GBP7: variants seen among roughly 807,000 people sequenced by gnomAD.
The protein encoded by GBP7 is guanylate-binding protein 7.
GBP7 carries 43 observed loss-of-function variants against 61.3 expected under a neutral mutation model. The observed-to-expected ratio is 0.70, with a 90% CI of 0.55 to 0.91. GBP7 has a LOEUF of 0.91. GBP7 is among the 40% of genes least tolerant of loss of function. GBP7 has a pLI of 0.00. For synonymous variants in GBP7, 267 were observed against 271.0 expected (o/e 0.99, Z 0.14); for missense variants, 717 against 740.5 (o/e 0.97, Z 0.37).
At chr1:89,147,504 A>G in intron 8 of GBP7, 63 bp downstream of exon 8, 2 of 1,266,264 alleles carry the variant, frequency 1.6e-6, no homozygotes, top group Non-Finnish European at 2.3e-6. Flanking sequence ...GATTTTCAGA[A>G]GAGGCAACGA....
chr1:89,157,917 A>C (rs1374936964), intron 3 of GBP7, among the ~76,000 whole-genome samples: 1 of 152,190 alleles, frequency 6.6e-6, no homozygotes, highest in Admixed American at 6.5e-5. Context: ...AAAAAAGAGA[A>C]TTTTAGACAA....
At chr1:89,172,126 T>C (rs1246731044) in intron 1 of GBP7, among the ~76,000 whole-genome samples, 172 bp from the exon 2 acceptor site, 2 of 152,224 alleles carry the variant, frequency 1.3e-5, no homozygotes, top group African/African-American at 4.8e-5. Flanking sequence ...GTCTGCCCTT[T>C]AAAATAATTT....
intron 5 of GBP7, among the ~76,000 whole-genome samples, chr1:89,151,555 A>G (rs1353373857): frequency 6.6e-6 from 1 of 152,238 alleles, no homozygotes; most frequent in Admixed American, 6.5e-5. Context: ...TGAAAGGATG[A>G]ACAAATGAAC....
chr1:89,132,227 C>T lies in GBP7; in HGVS notation c.1839G>A (p.Lys613=). Residue 613 remains lysine, a synonymous_variant, in exon 11 of 11, where the codon AAG becomes AAA. Transcript: ENST00000294671. ...IFIAALPGAA[K]LVDLGMKILS... is the part of the protein sequence containing the mutation. ...GAATTTTCATTCCTAAATCAACTAG[C>T]TTAGCAGCCCCAGGTAGTGCTGCAA... 1.2e-6 allele frequency: 2 copies of T among 1,613,590 alleles called. No homozygotes were observed. Among genetic ancestry groups the T allele is most frequent in the Non-Finnish European group, 1.7e-6 (2 of 1,179,572 alleles).
chr1:89,149,786 T>C (rs1438608230), intron 6 of GBP7, among the ~76,000 whole-genome samples: 1 of 152,208 alleles, frequency 6.6e-6, no homozygotes, highest in Admixed American at 6.5e-5. Flanking sequence ...ATTCTTTCTA[T>C]TTTGTTCTCC....
chr1:89,155,208 T>C lies in GBP7; in HGVS notation c.319-2431A>G, dbSNP rs536937832. Among the ~76,000 whole-genome samples, 10 of 152,206 alleles carry C rather than the reference T, an allele frequency of 6.6e-5. No individual in the cohort carries two copies. The East Asian group carries it at 1.9e-3, about 29-fold the overall frequency. ...CCAAAACCCCATCTGTGCATCACCATTGCAAAGACCAAAGGTAGATAAAAC... is the reference window on the plus strand; with the variant it reads ...CCAAAACCCCATCTGTGCATCACCACTGCAAAGACCAAAGGTAGATAAAAC... On this transcript the variant is annotated intron_variant, in intron 3 of 10. Transcript: ENST00000294671.
chr1:89,168,975 A>AG (rs1491571161), intron 2 of GBP7, among the ~76,000 whole-genome samples: 17 of 62,680 alleles, frequency 2.7e-4, no homozygotes, highest in Middle Eastern at 8.1e-3. Context: ...GCCTCAAGTT[A>AG]AAAAAAAAAC....
chr1:89,149,202 A>C, intron 7 of GBP7, 90 bp downstream of exon 7: 2 of 1,104,412 alleles, frequency 1.8e-6, no homozygotes, highest in Non-Finnish European at 2.5e-6. Flanking sequence ...TTACTACAAG[A>C]AGGAGATGAA....
At chr1:89,140,216 C>T (rs1183819439) in intron 9 of GBP7, among the ~76,000 whole-genome samples, 2 of 144,582 alleles carry the variant, frequency 1.4e-5, no homozygotes, top group Non-Finnish European at 3.0e-5. Flanking sequence ...CACATGTTCT[C>T]ACTCATAGGT....
Position 89,133,414 on chromosome 1 carries a change from C to T in GBP7, c.1506G>A (p.Gln502=), listed in dbSNP as rs1420841779. 16 of 1,613,974 alleles carry T rather than the reference C, an allele frequency of 9.9e-6. No individual in the cohort carries two copies. The highest frequency in any genetic ancestry group is 1.3e-5 in the African/African-American group (1 of 74,900). ...QAKKEAAEKE[Q]ELLRQKQKEQ... is the part of the protein sequence containing the mutation. Reference sequence around the variant, plus strand: ...CCTTCTGTTTTTGTCTTAGCAGCTCCTGTTCCTTTTCAGCTGCCTCCTTCT... The same window carrying T: ...CCTTCTGTTTTTGTCTTAGCAGCTCTTGTTCCTTTTCAGCTGCCTCCTTCT... Residue 502 remains glutamine (Q), a synonymous_variant, in exon 10 of 11, where the codon CAG becomes CAA. Coordinates refer to ENST00000294671, the MANE Select transcript of GBP7 (RefSeq NM_207398.3).
chr1:89,174,717 C>T (rs141840303), intron 1 of GBP7, among the ~76,000 whole-genome samples: 66 of 152,334 alleles, frequency 4.3e-4, no homozygotes, highest in Admixed American at 9.8e-4. Context: ...ACACGTTATT[C>T]ATGCAAGCCT....
intron 9 of GBP7, among the ~76,000 whole-genome samples, chr1:89,138,104 G>T (rs1372766974): frequency 6.6e-6 from 1 of 152,052 alleles, no homozygotes; most frequent in Non-Finnish European, 1.5e-5. Context: ...AATCAGGGAG[G>T]TGAAGCATCT....
Position 89,133,292 on chromosome 1 carries a change from C to T in GBP7, c.1628G>A (p.Arg543Lys). The change falls in exon 10 of 11, where the codon AGA (arginine) becomes AAA (lysine). Residue 543 changes from arginine to lysine, a missense_variant. Coordinates refer to ENST00000294671, the MANE Select transcript of GBP7 (RefSeq NM_207398.3). ...GTGACTCAACATCTTTCTCAGTTCT[C>T]TCATATAGTTTTCCCTTTCCCTCTC... The part of the protein sequence containing the change: ...KMERERENYM[R>K]ELRKMLSHKM... 1.2e-6 allele frequency: 2 copies of T among 1,613,998 alleles called. No homozygotes were observed. Among genetic ancestry groups the T allele is most frequent in the South Asian group, 2.2e-5 (2 of 91,078 alleles).
intron 9 of GBP7, among the ~76,000 whole-genome samples, chr1:89,133,815 G>A (rs1476467558): frequency 6.6e-6 from 1 of 152,174 alleles, no homozygotes; most frequent in Non-Finnish European, 1.5e-5. Context: ...TCCCATAGAT[G>A]TTTGAGCTGG....
Position 89,152,461 on chromosome 1 carries a change from G to C in GBP7, c.432C>G (p.Tyr144Ter). Residue 144 changes from tyrosine to a stop codon, truncating the protein, a stop_gained, in exon 5 of 11, where the codon TAC (tyrosine) becomes TAG (stop). Coordinates refer to ENST00000294671, the MANE Select transcript of GBP7 (RefSeq NM_207398.3). LOFTEE classifies it high-confidence loss of function. ...TGATTAGCTCTGTTAGCTCAGTCAC[G>C]TAGCTGGGATCTCAGCTAAGGAAGG... Reference protein sequence around the residue: ...INHQALEQLHYVTELTELIRA... With the variant: ...INHQALEQLH The C allele has an allele frequency of 6.2e-7, 1 of 1,613,638 alleles. No individual in the cohort carries two copies. The highest frequency in any genetic ancestry group is 1.1e-5 in the South Asian group (1 of 91,062).
rs142621996 is a variant in GBP7 at position 89,149,317 on chromosome 1, C to G, written c.1127G>C (p.Ser376Thr). Residue 376 changes from serine (S) to threonine (T), a missense_variant, in exon 7 of 11, where the codon AGC becomes ACC. Ser to Thr is a moderately conservative substitution (Grantham distance 58). Coordinates refer to ENST00000294671, the MANE Select transcript of GBP7 (RefSeq NM_207398.3). The part of the protein sequence containing the change: ...VFMEYSFKDK[S>T]QEFQKKLVDT... ...CACAAGCTTCTTCTGAAATTCCTGG[C>G]TTTTATCTTTGAAGGAGTACTCCAT... 9.2e-4 allele frequency: 1,475 copies of G among 1,605,820 alleles called. 7 individuals carry two copies. In the African/African-American group the frequency reaches 0.017, roughly 18 times the overall value.
chr1:89,133,875 G>A (rs79887386), intron 9 of GBP7, among the ~76,000 whole-genome samples: 3,311 of 152,266 alleles, frequency 0.022, 37 homozygotes, highest in Middle Eastern at 0.048. Flanking sequence ...TGGCCAGTGT[G>A]GAGCCTAGAT....
rs1376672428 is a variant in GBP7, at chr1:89,152,758, G to A, written c.338C>T (p.Ser113Leu). 3.1e-6 allele frequency: 5 copies of A among 1,608,330 alleles called. No individual in the cohort carries two copies. Among genetic ancestry groups the A allele is most frequent in the Middle Eastern group, 1.7e-4 (1 of 5,832 alleles). The part of the protein sequence containing the change: ...DMEKSDPKSD[S>L]WIFALAVLLS... ...AAGCACAGCCAGGGCAAAGATCCAC[G>A]AGTCACTCTTAGGGTCACTCTAGTG... is the stretch of plus-strand genomic sequence containing the variant. The change falls in exon 4 of 11, where the codon TCG (serine) becomes TTG (leucine). Residue 113 changes from serine to leucine, a missense_variant. Physicochemically the swap from Ser to Leu is moderately radical, Grantham distance 145. Around this residue, in one of 3 missense-constraint regions of GBP7, gnomAD observed 387 missense variants for 385.2 expected, o/e 1.00. Transcript: ENST00000294671.
chr1:89,168,000 G>C (rs1260968558), intron 2 of GBP7, among the ~76,000 whole-genome samples: 4 of 152,152 alleles, frequency 2.6e-5, no homozygotes, highest in Non-Finnish European at 5.9e-5. Flanking sequence ...CTTCTCAATT[G>C]ATGGGGAAAT....
Sources: gnomAD v4.1 joint callset for allele counts (sites outside exome capture counted in the v4.1 genomes callset) on GRCh38, gnomAD v4.1.1 for gene constraint, gnomAD v4.1.1 regional missense constraint, MANE v1.5 for transcripts, NCBI Gene and HGNC (gene_info 2026-07-23, HGNC 2026-07-21) for gene names.